Variants in CEP112 observed in about 807,000 individuals in gnomAD.
CEP112 encodes the protein centrosomal protein 112, also known as centrosomal protein of 112 kDa.
A neutral mutation model predicts 153.0 loss-of-function variants in CEP112; 127 were observed. The observed-to-expected ratio is 0.83, with a 90% CI of 0.72 to 0.96. The LOEUF (loss-of-function observed/expected upper bound fraction) is 0.96, where lower values mean the gene tolerates loss of function less well. CEP112 is among the 40% of genes least tolerant of loss of function. The pLI is 0.00. For missense variants in CEP112, 1,089 were observed against 1,101.2 expected (o/e 0.99, Z 0.16); for synonymous variants, 358 against 374.4 (o/e 0.96, Z 0.51).
chr17:65,790,870 C>T (rs1465996228), intron 21 of CEP112, among the ~76,000 whole-genome samples: 1 of 152,150 alleles, frequency 6.6e-6, no homozygotes, highest in Non-Finnish European at 1.5e-5. Context: ...CTAACTAGGC[C>T]TTGGCAGAAT....
At chr17:65,668,229 T>A (rs2046796511) in intron 24 of CEP112, among the ~76,000 whole-genome samples, 1 of 152,160 alleles carries the variant, frequency 6.6e-6, no homozygotes, top group South Asian at 2.1e-4. Context: ...ACCTACTCCA[T>A]TTCAATAAAC....
intron 20 of CEP112, among the ~76,000 whole-genome samples, chr17:65,887,985 T>C (rs1000192078): frequency 6.6e-6 from 1 of 151,888 alleles, no homozygotes; most frequent in Non-Finnish European, 1.5e-5. Flanking sequence ...CACTTCCCTG[T>C]TTTTTTTCTT....
chr17:65,932,939 A>T (rs1165846374), intron 18 of CEP112, among the ~76,000 whole-genome samples: 1 of 152,222 alleles, frequency 6.6e-6, no homozygotes, highest in Non-Finnish European at 1.5e-5. Flanking sequence ...AAAAGTAAAT[A>T]AAACTTGGAA....
chr17:65,948,771 C>G (rs1010100160), intron 18 of CEP112, among the ~76,000 whole-genome samples: 1 of 151,608 alleles, frequency 6.6e-6, no homozygotes, highest in African/African-American at 2.4e-5. Context: ...GAGTGTGCAG[C>G]AATTTTTTAA....
intron 17 of CEP112, among the ~76,000 whole-genome samples, chr17:66,001,104 A>G (rs929861402): frequency 2.0e-5 from 3 of 152,196 alleles, no homozygotes; most frequent in Non-Finnish European, 4.4e-5. Context: ...GCTGGATCCA[A>G]TCTGCTCCCA....
chr17:66,183,588 A>T (rs2072805413), intron 1 of CEP112, among the ~76,000 whole-genome samples: 1 of 152,188 alleles, frequency 6.6e-6, no homozygotes, highest in Non-Finnish European at 1.5e-5. Context: ...GATGTACTCC[A>T]AAGCCACAGT....
At chr17:65,667,482 C>CA (rs1251797165) in intron 24 of CEP112, among the ~76,000 whole-genome samples, 2 of 150,896 alleles carry the variant, frequency 1.3e-5, no homozygotes, top group African/African-American at 2.4e-5. Flanking sequence ...TGCTAGAAAG[C>CA]AAAAAAATAT....
intron 21 of CEP112, among the ~76,000 whole-genome samples, chr17:65,774,960 C>T (rs914755340): frequency 6.6e-6 from 1 of 151,972 alleles, no homozygotes; most frequent in African/African-American, 2.4e-5. Context: ...AGGAGACATG[C>T]AGGAAAGGAG....
At chr17:66,057,295 G>A (rs2066731402) in intron 11 of CEP112, among the ~76,000 whole-genome samples, 2 of 152,180 alleles carry the variant, frequency 1.3e-5, no homozygotes. Flanking sequence ...AACTTGGCAA[G>A]GCATTAGATG....
At chr17:65,846,433 G>T (rs951061042) in intron 21 of CEP112, among the ~76,000 whole-genome samples, 3 of 152,198 alleles carry the variant, frequency 2.0e-5, no homozygotes, top group Non-Finnish European at 2.9e-5. Context: ...TGAATACAAA[G>T]ATGTATCATA....
intron 24 of CEP112, among the ~76,000 whole-genome samples, chr17:65,665,256 C>A (rs887695868): frequency 2.0e-5 from 3 of 152,182 alleles, no homozygotes; most frequent in Non-Finnish European, 4.4e-5. Flanking sequence ...AGCCCTACAC[C>A]AAACTGCTGA....
intron 16 of CEP112, among the ~76,000 whole-genome samples, chr17:66,012,064 T>C (rs2064554678): frequency 6.6e-6 from 1 of 152,206 alleles, no homozygotes; most frequent in African/African-American, 2.4e-5. Context: ...CTGTTTTCCA[T>C]TTGCTTGGTA....
chr17:66,002,018 G>C (rs1239526252), intron 17 of CEP112, among the ~76,000 whole-genome samples: 1 of 152,168 alleles, frequency 6.6e-6, no homozygotes, highest in Non-Finnish European at 1.5e-5. Context: ...AAATTGAAAA[G>C]AATAGTAAGG....
At chr17:65,858,084 T>G (rs2058185288) in intron 20 of CEP112, among the ~76,000 whole-genome samples, 1 of 152,206 alleles carries the variant, frequency 6.6e-6, no homozygotes, top group Non-Finnish European at 1.5e-5. Flanking sequence ...ACATACGTTA[T>G]TTTTATACAT....
At chr17:66,164,884 ATATGTG>A (rs1263834167) in intron 4 of CEP112, among the ~76,000 whole-genome samples, 6 of 93,976 alleles carry the variant, frequency 6.4e-5, no homozygotes, top group East Asian at 9.2e-4. Context: ...ATACACACAT[ATATGTG>A]TGTGTGTGTG....
At chr17:65,902,392 C>T in intron 19 of CEP112, 58 bp from the exon 20 acceptor site, 1 of 1,378,342 alleles carries the variant, frequency 7.3e-7, no homozygotes, top group Middle Eastern at 1.9e-4. Context: ...GTCATGACAA[C>T]TCATGTACAG....
At chr17:65,710,742 A>C (rs1415532520) in intron 23 of CEP112, among the ~76,000 whole-genome samples, 2 of 152,230 alleles carry the variant, frequency 1.3e-5, no homozygotes, top group African/African-American at 4.8e-5. Context: ...TGGATGTCAC[A>C]GTGGGAGGTC....
chr17:65,930,264 TCA>T (rs1292674675), intron 18 of CEP112, among the ~76,000 whole-genome samples: 1 of 152,224 alleles, frequency 6.6e-6, no homozygotes, highest in African/African-American at 2.4e-5. Context: ...AATGCTTCTT[TCA>T]CAGTTTTTCA....
chr17:66,054,701 C>T (rs915314268), intron 11 of CEP112, among the ~76,000 whole-genome samples: 2 of 152,134 alleles, frequency 1.3e-5, no homozygotes, highest in Non-Finnish European at 2.9e-5. Flanking sequence ...CCCACACCTA[C>T]CCAATAGGAG....
Sources: allele counts gnomAD v4.1 joint callset (sites outside exome capture counted in the v4.1 genomes callset), GRCh38; gene constraint gnomAD v4.1.1; transcripts MANE v1.5; gene names NCBI Gene and HGNC (gene_info 2026-07-23, HGNC 2026-07-21).